The following SETD4 variants were observed in gnomAD, a reference collection of about 807,000 sequenced individuals.
SETD4 encodes SET domain-containing protein 4.
A neutral mutation model predicts 58.3 loss-of-function variants in SETD4; 46 were observed. The observed-to-expected ratio is 0.79, with a 90% CI of 0.62 to 1.01. The LOEUF is 1.01. Ranked by LOEUF, SETD4 falls within the 50% of genes least tolerant of loss-of-function variation. The pLI is 0.00. For missense variants in SETD4, 490 were observed against 523.3 expected (o/e 0.94, Z 0.62); for synonymous variants, 190 against 202.6 (o/e 0.94, Z 0.53).
chr21:36,049,149 T>C (rs1601250143), intron 4 of SETD4, among the ~76,000 whole-genome samples: 3 of 151,984 alleles, frequency 2.0e-5, no homozygotes, highest in East Asian at 1.9e-4. Context: ...GATAGAACCA[T>C]GGAAAGAAAA....
intron 8 of SETD4, among the ~76,000 whole-genome samples, chr21:36,041,249 G>C (rs1213990429): frequency 6.7e-6 from 1 of 148,672 alleles, no homozygotes. Context: ...TTCCCAGTAA[G>C]AGAAACGCTT....
chr21:36,047,804 A>T (rs1811076), intron 5 of SETD4, among the ~76,000 whole-genome samples: 1 of 140,758 alleles, frequency 7.1e-6, no homozygotes, highest in African/African-American at 2.7e-5. Context: ...GCCTGGCCAA[A>T]ATGGTGAAAC....
At position 36,038,272 on chromosome 21, in the gene SETD4, T is replaced by C. The variant is rs776459650; in HGVS notation, c.1066A>G (p.Thr356Ala). 3.7e-5 allele frequency: 60 copies of C among 1,608,700 alleles called. No homozygotes were observed. The highest frequency in any genetic ancestry group is 4.9e-5 in the Non-Finnish European group (58 of 1,178,784). The change falls in exon 10 of 12, where the codon ACA (threonine) becomes GCA (alanine). Residue 356 changes from threonine to alanine, a missense_variant and splice_region_variant. By Grantham distance (58) the Thr-to-Ala change is moderately conservative. Coordinates refer to ENST00000332131, the MANE Select transcript of SETD4 (RefSeq NM_017438.5). ...KLLCLEAEKF[T>A]CWKKVLLGEV... ...CCAAGAAGTACTTTTTTCCAGCATGTACTAGAACCAAAATGTTCCATGACA... is the reference window on the plus strand; with the variant it reads ...CCAAGAAGTACTTTTTTCCAGCATGCACTAGAACCAAAATGTTCCATGACA...
intron 4 of SETD4, among the ~76,000 whole-genome samples, chr21:36,052,197 AC>A (rs2064734031): frequency 6.6e-6 from 1 of 152,076 alleles, no homozygotes; most frequent in Non-Finnish European, 1.5e-5. Context: ...AAGAAACTAT[AC>A]TTTCCTTTAA....
intron 5 of SETD4, among the ~76,000 whole-genome samples, chr21:36,046,642 G>C (rs1405618770): frequency 2.6e-5 from 4 of 152,170 alleles, no homozygotes; most frequent in Non-Finnish European, 5.9e-5. Flanking sequence ...AACTGAATAT[G>C]CTCATATACA....
chr21:36,040,636 C>G lies in SETD4; in HGVS notation c.1003G>C (p.Asp335His), dbSNP rs2064003035. The G allele has an allele frequency of 6.2e-7, 1 of 1,613,828 alleles. No individual in the cohort carries two copies. The highest frequency in any genetic ancestry group is 8.5e-7 in the Non-Finnish European group (1 of 1,179,772). The change falls in exon 9 of 12, where the codon GAT becomes CAT. Residue 335 changes from aspartate to histidine, a missense_variant. Coordinates refer to ENST00000332131, the MANE Select transcript of SETD4 (RefSeq NM_017438.5). ...GYIENLTFGW[D>H]GPSWRLLTAL... ...GTGAGTAGCCTCCAAGATGGTCCAT[C>G]CCATCCAAATGTCAAATTTCTGAAG...
intron 2 of SETD4, 111 bp downstream of exon 2, chr21:36,058,705 G>T: frequency 2.4e-6 from 3 of 1,264,688 alleles, no homozygotes; most frequent in Admixed American, 2.5e-5. Context: ...GTGACAGAGC[G>T]AGAATCCGTC....
At chr21:36,046,604 T>C (rs1311104247) in intron 5 of SETD4, among the ~76,000 whole-genome samples, 1 of 152,202 alleles carries the variant, frequency 6.6e-6, no homozygotes, top group Non-Finnish European at 1.5e-5. Context: ...TGCTAAAAGC[T>C]CTATTGGAGG....
intron 5 of SETD4, among the ~76,000 whole-genome samples, chr21:36,046,739 C>T (rs2064349888): frequency 6.6e-6 from 1 of 152,210 alleles, no homozygotes; most frequent in East Asian, 1.9e-4. Context: ...GCACAATTGC[C>T]GATAAAAAGA....
At chr21:36,038,577 G>A (rs2063892248) in intron 9 of SETD4, among the ~76,000 whole-genome samples, 1 of 152,158 alleles carries the variant, frequency 6.6e-6, no homozygotes, top group Non-Finnish European at 1.5e-5. Flanking sequence ...ATGAAGTCCC[G>A]TTCCCGGCCA....
chr21:36,060,075 G>A, intron 1 of SETD4: 1 of 985,534 alleles, frequency 1.0e-6, no homozygotes, highest in Non-Finnish European at 1.2e-6. Flanking sequence ...CACCGCTCCC[G>A]CAGCCATAGG....
At chr21:36,038,420 G>A in intron 9 of SETD4, 147 bp from the exon 10 acceptor site, 2 of 993,812 alleles carry the variant, frequency 2.0e-6, no homozygotes, top group Non-Finnish European at 3.0e-6. Context: ...AAACCTCCAT[G>A]CCACTTGCAG....
At position 36,038,161 on chromosome 21, in the gene SETD4, C is replaced by G. The variant is rs770029503; in HGVS notation, c.1177G>C (p.Val393Leu). 3.1e-6 allele frequency: 5 copies of G among 1,610,722 alleles called. No individual in the cohort carries two copies. The South Asian group carries it at 4.4e-5, about 14-fold the overall frequency. Residue 393 changes from valine to leucine, a missense_variant, in exon 10 of 12, where the codon GTG (valine) becomes CTG (leucine). By Grantham distance (32) the Val-to-Leu change is conservative. Transcript: ENST00000332131. ...CYYFIEETNAVLQKVSHMKDE... is the reference protein window; with the variant it reads ...CYYFIEETNALLQKVSHMKDE... ...TTCTAGAAACATACCTTTTGAAGCA[C>G]AGCATTAGTCTCTTCTATGAAATAA...
intron 4 of SETD4, chr21:36,050,476 G>A: frequency 6.2e-7 from 1 of 1,613,474 alleles, no homozygotes. Flanking sequence ...CAAAGTGATA[G>A]TGACATCACT....
chr21:36,045,131 C>T (rs1265222442), intron 6 of SETD4, among the ~76,000 whole-genome samples: 1 of 152,190 alleles, frequency 6.6e-6, no homozygotes, highest in African/African-American at 2.4e-5. Context: ...GACAAAGACC[C>T]CATTCTCAAA....
intron 2 of SETD4, 89 bp from the exon 3 acceptor site, chr21:36,057,293 C>A: frequency 2.1e-6 from 2 of 969,110 alleles, no homozygotes; most frequent in South Asian, 1.3e-5. Context: ...TGAAATGTGT[C>A]AGACAGACTT....
chr21:36,035,911 C>T lies in SETD4; in HGVS notation c.*82G>A. On this transcript the variant is annotated 3_prime_UTR_variant, in exon 12 of 12. Coordinates refer to ENST00000332131, the MANE Select transcript of SETD4 (RefSeq NM_017438.5). ...GCAGAAATCCTGCATGTCCTGGGGG[C>T]AGCCACCACCCCAGCCCATGATGAT... The T allele has an allele frequency of 1.6e-6, 1 of 611,682 alleles. No individual in the cohort carries two copies. Among genetic ancestry groups the T allele is most frequent in the Non-Finnish European group, 2.8e-6 (1 of 357,876 alleles). 37.9% of individuals were successfully genotyped at this position (611,682 alleles called of 1,614,324 possible).
intron 9 of SETD4, 145 bp from the exon 10 acceptor site, chr21:36,038,418 A>C: frequency 3.9e-6 from 4 of 1,032,612 alleles, no homozygotes; most frequent in Non-Finnish European, 5.6e-6. Flanking sequence ...CCAAACCTCC[A>C]TGCCACTTGC....
rs2123797387 is a variant in SETD4, at chr21:36,058,859, C to A, written c.30G>T (p.Arg10=). The A allele has an allele frequency of 6.2e-7, 1 of 1,602,426 alleles. No individual in the cohort carries two copies. The highest frequency in any genetic ancestry group is 1.1e-5 in the South Asian group (1 of 87,194). ...TTCCGCAGAGTTTTCGTCTTCTGATCCGGCTTGTTCTCCCTTTTCCTTTCT... is the reference window on the plus strand; with the variant it reads ...TTCCGCAGAGTTTTCGTCTTCTGATACGGCTTGTTCTCCCTTTTCCTTTCT... The part of the protein sequence containing the change: MQKGKGRTS[R]IRRRKLCGSS... The change falls in exon 2 of 12, where the codon CGG becomes CGT. Residue 10 remains arginine (R), a synonymous_variant. Coordinates refer to ENST00000332131, the MANE Select transcript of SETD4 (RefSeq NM_017438.5).
Sources: allele counts gnomAD v4.1 joint callset (sites outside exome capture counted in the v4.1 genomes callset), GRCh38; gene constraint gnomAD v4.1.1; transcripts MANE v1.5; gene names NCBI Gene and HGNC (gene_info 2026-07-23, HGNC 2026-07-21).